Variants in ANKRD13C observed in about 807,000 individuals in gnomAD.
ANKRD13C encodes ankyrin repeat domain 13C.
In ANKRD13C, 16 loss-of-function variants were observed where a neutral mutation model predicts 65.5. The ratio of observed to expected loss-of-function variants is 0.24; its 90% CI spans 0.17 to 0.37. ANKRD13C has a LOEUF of 0.37. Ranked by LOEUF, ANKRD13C falls within the 10% of genes least tolerant of loss-of-function variation. ANKRD13C has a pLI of 1.00. For missense variants in ANKRD13C, 503 were observed against 655.9 expected, an observed-to-expected ratio of 0.77 and a Z score of 2.55; for synonymous variants, 235 against 238.7, an observed-to-expected ratio of 0.98 and a Z score of 0.14.
intron 1 of ANKRD13C, among the ~76,000 whole-genome samples, chr1:70,339,930 G>A (rs1682236409): frequency 6.6e-6 from 1 of 150,646 alleles, no homozygotes; most frequent in Admixed American, 6.6e-5. Context: ...GCTCACTGCA[G>A]CCTCAACCTT....
chr1:70,296,050 C>G, intron 8 of ANKRD13C, 80 bp downstream of exon 8: 3 of 1,506,312 alleles, frequency 2.0e-6, no homozygotes, highest in Non-Finnish European at 2.7e-6. Context: ...TAAGCTACTT[C>G]TTGCATTTCC....
chr1:70,342,520 G>C (rs571930860), intron 1 of ANKRD13C, among the ~76,000 whole-genome samples: 1 of 152,236 alleles, frequency 6.6e-6, no homozygotes, highest in East Asian at 1.9e-4. Context: ...CTGGGTGACA[G>C]AGCGAGACTC....
chr1:70,296,273 G>A lies in ANKRD13C; in HGVS notation c.922-12C>T. 6 of 1,603,866 alleles carry A rather than the reference G, an allele frequency of 3.7e-6. No homozygotes were observed. The highest frequency in any genetic ancestry group is 5.1e-6 in the Non-Finnish European group (6 of 1,176,718). ...TCCATCTCTGATTCCTGGGATGTGAGCAAAAGTTAAATATAAAAATCTAGG... is the reference window on the plus strand; with the variant it reads ...TCCATCTCTGATTCCTGGGATGTGAACAAAAGTTAAATATAAAAATCTAGG... On this transcript the variant is annotated splice_polypyrimidine_tract_variant and intron_variant, in intron 7 of 12. Transcript: ENST00000370944.
At chr1:70,323,580 T>C (rs965134499) in intron 3 of ANKRD13C, among the ~76,000 whole-genome samples, 1 of 148,516 alleles carries the variant, frequency 6.7e-6, no homozygotes, top group Admixed American at 6.8e-5. Flanking sequence ...GAGGCGGAGG[T>C]TGCAGTGAGC....
At chr1:70,346,846 T>C (rs917711967) in intron 1 of ANKRD13C, among the ~76,000 whole-genome samples, 2 of 151,860 alleles carry the variant, frequency 1.3e-5, no homozygotes, top group Non-Finnish European at 2.9e-5. Flanking sequence ...AATCCCAGCA[T>C]TTTGGGAGGT....
chr1:70,315,774 T>C (rs956151259), intron 3 of ANKRD13C, among the ~76,000 whole-genome samples: 2 of 152,130 alleles, frequency 1.3e-5, no homozygotes, highest in African/African-American at 4.8e-5. Context: ...GAAGGCCTCT[T>C]GGAACAGTAA....
At chr1:70,282,393 T>C (rs974289646) in intron 9 of ANKRD13C, among the ~76,000 whole-genome samples, 4 of 151,824 alleles carry the variant, frequency 2.6e-5, no homozygotes, top group Non-Finnish European at 4.4e-5. Context: ...CAAGGCCACA[T>C]CCTAGGAATG....
intron 1 of ANKRD13C, among the ~76,000 whole-genome samples, chr1:70,342,805 T>C (rs951185671): frequency 1.3e-5 from 2 of 151,602 alleles, no homozygotes; most frequent in Non-Finnish European, 2.9e-5. Flanking sequence ...GGAGGGGAAC[T>C]AGATAGGTAG....
chr1:70,274,972 T>G (rs564939006), intron 10 of ANKRD13C, among the ~76,000 whole-genome samples, 154 bp from the exon 11 acceptor site: 1 of 152,278 alleles, frequency 6.6e-6, no homozygotes, highest in African/African-American at 2.4e-5. Flanking sequence ...GAATAAGATA[T>G]GTATAAGAAA....
chr1:70,320,135 T>C (rs758586875), intron 3 of ANKRD13C, among the ~76,000 whole-genome samples: 2 of 152,098 alleles, frequency 1.3e-5, no homozygotes, highest in African/African-American at 2.4e-5. Flanking sequence ...CCAGCAGAGC[T>C]GACACATAGA....
intron 1 of ANKRD13C, among the ~76,000 whole-genome samples, chr1:70,348,960 C>G (rs1264137794): frequency 6.6e-6 from 1 of 152,102 alleles, no homozygotes. Context: ...TTCATATGTT[C>G]AGGACTTTCA....
At chr1:70,338,228 T>A (rs1319702926) in intron 1 of ANKRD13C, among the ~76,000 whole-genome samples, 2 of 152,058 alleles carry the variant, frequency 1.3e-5, no homozygotes, top group East Asian at 3.9e-4. Flanking sequence ...AAACCATCCC[T>A]CCCCTCACAA....
At chr1:70,321,066 T>G (rs182287140) in intron 3 of ANKRD13C, among the ~76,000 whole-genome samples, 2 of 152,310 alleles carry the variant, frequency 1.3e-5, no homozygotes, top group Non-Finnish European at 2.9e-5. Context: ...TATAATACTT[T>G]AAAGAAAAAT....
intron 3 of ANKRD13C, 23 bp from the exon 4 acceptor site, chr1:70,315,589 A>T: frequency 1.3e-6 from 2 of 1,568,680 alleles, no homozygotes; most frequent in Non-Finnish European, 1.7e-6. Flanking sequence ...TTTTAAAAAT[A>T]ACTAATTTAA....
intron 10 of ANKRD13C, among the ~76,000 whole-genome samples, chr1:70,275,338 G>A (rs1352468041): frequency 6.6e-6 from 1 of 152,136 alleles, no homozygotes; most frequent in Non-Finnish European, 1.5e-5. Flanking sequence ...AATAGAATGA[G>A]CGTTCCAATA....
In ANKRD13C at chr1:70,292,417, C is replaced by A; in HGVS notation, c.1186G>T (p.Gly396Cys). 1 of 1,592,926 alleles carries A rather than the reference C, an allele frequency of 6.3e-7. No individual in the cohort carries two copies. The highest frequency in any genetic ancestry group is 8.5e-7 in the Non-Finnish European group (1 of 1,174,636). The change falls in exon 9 of 13, where the codon GGT becomes TGT. Residue 396 changes from glycine to cysteine, a missense_variant. Physicochemically the swap from Gly to Cys is radical, Grantham distance 159 (BLOSUM62 -3). Around this residue, in one of 2 missense-constraint regions of ANKRD13C, gnomAD observed 300 missense variants for 478.3 expected, o/e 0.63. Transcript: ENST00000370944. ...NKAIMESLSKGGNIMEQNFEP... is the reference protein window; with the variant it reads ...NKAIMESLSKCGNIMEQNFEP... ...AAATTCTGTTCCATTATGTTTCCAC[C>A]TTTACTCAAACTCTCCATGATGGCC...
intron 1 of ANKRD13C, among the ~76,000 whole-genome samples, chr1:70,340,877 C>T (rs1419104584): frequency 6.6e-6 from 1 of 152,084 alleles, no homozygotes; most frequent in African/African-American, 2.4e-5. Flanking sequence ...CTTTTGGAGG[C>T]CGAGGCAGAT....
chr1:70,281,936 G>A (rs1572046242), intron 9 of ANKRD13C, among the ~76,000 whole-genome samples: 1 of 151,226 alleles, frequency 6.6e-6, no homozygotes, highest in Admixed American at 6.6e-5. Context: ...GGAGGCAGAG[G>A]TTGCAGTGAG....
chr1:70,265,445 A>G (rs911562699), intron 12 of ANKRD13C, among the ~76,000 whole-genome samples: 1 of 152,194 alleles, frequency 6.6e-6, no homozygotes, highest in African/African-American at 2.4e-5. Flanking sequence ...TAATAAATAA[A>G]CAGGAAGAGA....
Sources: allele counts gnomAD v4.1 joint callset (sites outside exome capture counted in the v4.1 genomes callset), GRCh38; gene constraint gnomAD v4.1.1; regional missense constraint gnomAD v4.1.1; transcripts MANE v1.5; gene names NCBI Gene and HGNC (gene_info 2026-07-23, HGNC 2026-07-21).